EDA: variants seen among roughly 807,000 people sequenced by gnomAD.
EDA encodes the protein ectodysplasin-A.
EDA carries 2 observed loss-of-function variants against 23.6 expected under a neutral mutation model. That is an observed-to-expected ratio of 0.08 (90% confidence interval 0.03 to 0.27). The LOEUF (loss-of-function observed/expected upper bound fraction) is 0.27. Ranked by LOEUF, EDA falls within the 10% of genes least tolerant of loss-of-function variation. The probability of loss-of-function intolerance (pLI) is 1.00; values close to 1 mark genes in which losing one functional copy is unlikely to be tolerated. For missense variants in EDA, 229 were observed against 324.2 expected, an observed-to-expected ratio of 0.71 and a Z score of 2.26; for synonymous variants, 131 against 132.0, an observed-to-expected ratio of 0.99 and a Z score of 0.05.
At chrX:70,023,391 T>C in intron 3 of EDA, 150 bp downstream of exon 3, 3 of 362,837 alleles carry the variant, frequency 8.3e-6, no homozygotes, top group Non-Finnish European at 9.7e-6. Context: ...TTGAGTATTG[T>C]AGTTTCTGAA....
At chrX:69,716,110 G>A (rs1002384702) in intron 1 of EDA, among the ~76,000 whole-genome samples, 8 of 111,681 alleles carry the variant, frequency 7.2e-5, no homozygotes, top group African/African-American at 2.6e-4. Context: ...TGTTGCAATC[G>A]CTTTTGGCAT....
At chrX:69,834,407 A>G (rs1045421651) in intron 1 of EDA, among the ~76,000 whole-genome samples, 2 of 111,152 alleles carry the variant, frequency 1.8e-5, no homozygotes, top group South Asian at 3.8e-4. Flanking sequence ...GTGCATATAT[A>G]TTTAGGATAG....
rs146090986 is a variant in EDA, at chrX:70,025,076, A to G, written c.526+1835A>G. On this transcript the variant is annotated intron_variant, in intron 3 of 7. Coordinates refer to ENST00000374552, the MANE Select transcript of EDA (RefSeq NM_001399.5). The stretch of plus-strand genomic sequence containing the variant: ...GCAAGTGTGAGAAGCTCACTTGCCT[A>G]ACCCTTGTTGCAGAGAAGCAGAGGA... 4.8e-3 allele frequency among the ~76,000 whole-genome samples: 532 copies of G among 111,662 alleles called. 3 individuals are homozygous for G. Among genetic ancestry groups the G allele is most frequent in the Non-Finnish European group, 7.2e-3 (383 of 53,129 alleles).
intron 2 of EDA, among the ~76,000 whole-genome samples, chrX:70,010,875 G>A (rs998936579): frequency 9.0e-6 from 1 of 111,167 alleles, no homozygotes; most frequent in African/African-American, 3.3e-5. Flanking sequence ...TCACTACCAC[G>A]AGAACAGTGT....
Position 70,004,366 on chromosome X carries a change from G to A in EDA, c.503-18852G>A, listed in dbSNP as rs886639432. On this transcript the variant is annotated intron_variant, in intron 2 of 7. Coordinates refer to ENST00000374552, the MANE Select transcript of EDA (RefSeq NM_001399.5). ...ACTTGAGATTGGGATGGGATGGGGC[G>A]GGATGAAAATCAACTTGCAAACCCC... Among the ~76,000 whole-genome samples, 9 of 111,576 alleles carry A rather than the reference G, an allele frequency of 8.1e-5. No homozygotes were observed. The East Asian group carries it at 2.0e-3, about 25-fold the overall frequency.
chrX:70,002,303 T>C lies in EDA; in HGVS notation c.503-20915T>C, dbSNP rs761828779. ...TATCTGTGTTAACCTAGTTTTTTTT[T>C]CAAAGGCAACATGATTTCATAATGA... is the stretch of plus-strand genomic sequence containing the variant. On this transcript the variant is annotated intron_variant, in intron 2 of 7. Transcript: ENST00000374552. Among the ~76,000 whole-genome samples the C allele has an allele frequency of 4.7e-4, 52 of 110,155 alleles. No homozygotes were observed. In the Admixed American group the frequency reaches 4.9e-3, roughly 10 times the overall value.
At chrX:69,940,546 T>C (rs907909643) in intron 1 of EDA, among the ~76,000 whole-genome samples, 6 of 111,272 alleles carry the variant, frequency 5.4e-5, no homozygotes, top group African/African-American at 2.0e-4. Context: ...TTTCATTTTA[T>C]TGATCTTTTG....
chrX:69,833,810 T>TAC (rs1269379227), intron 1 of EDA, among the ~76,000 whole-genome samples: 1 of 110,791 alleles, frequency 9.0e-6, no homozygotes, highest in Non-Finnish European at 1.9e-5. Flanking sequence ...TTTCTTTCTT[T>TAC]ATATATATAT....
At chrX:69,654,062 G>C (rs1276496980) in intron 1 of EDA, among the ~76,000 whole-genome samples, 1 of 111,440 alleles carries the variant, frequency 9.0e-6, no homozygotes, top group Non-Finnish European at 1.9e-5. Flanking sequence ...CTGACAAAGG[G>C]CTAATATCCA....
intron 1 of EDA, among the ~76,000 whole-genome samples, chrX:69,863,567 G>A (rs868265094): frequency 1.6e-5 from 1 of 61,847 alleles, no homozygotes; most frequent in African/African-American, 6.9e-5. Flanking sequence ...ATATATGTGT[G>A]TATATATGTG....
chrX:69,755,493 T>G (rs1201896780), intron 1 of EDA, among the ~76,000 whole-genome samples: 2 of 112,069 alleles, frequency 1.8e-5, no homozygotes, highest in African/African-American at 6.5e-5. Flanking sequence ...TGTCTCCCAG[T>G]TAGGCTACCC....
intron 1 of EDA, among the ~76,000 whole-genome samples, chrX:69,915,331 C>A (rs942495810): frequency 1.3e-4 from 15 of 111,488 alleles, no homozygotes; most frequent in Admixed American, 5.7e-4. Context: ...GGACCAGGCG[C>A]GGTGGCTCAT....
chrX:69,783,409 G>A (rs1022115452), intron 1 of EDA, among the ~76,000 whole-genome samples: 36 of 109,075 alleles, frequency 3.3e-4, no homozygotes, highest in Non-Finnish European at 4.6e-4. Context: ...CCAGCATTAG[G>A]TGTATCTCCT....
chrX:69,741,442 T>C (rs1261873008), intron 1 of EDA, among the ~76,000 whole-genome samples: 1 of 112,124 alleles, frequency 8.9e-6, no homozygotes. Flanking sequence ...AAGTCTCTGA[T>C]GTCACCTCAG....
intron 1 of EDA, chrX:69,937,687 T>G (rs879007418): frequency 1.2e-5 from 14 of 1,127,975 alleles, no homozygotes; most frequent in Non-Finnish European, 1.7e-5. Context: ...TCTATAGAGT[T>G]CTGGGCATAC....
chrX:69,834,082 T>A (rs995459506), intron 1 of EDA, among the ~76,000 whole-genome samples: 5 of 109,388 alleles, frequency 4.6e-5, no homozygotes, highest in Admixed American at 3.9e-4. Flanking sequence ...GATAGTTTGC[T>A]GAGAATGATG....
chrX:69,726,029 G>T (rs751637463), intron 1 of EDA, among the ~76,000 whole-genome samples: 5 of 111,863 alleles, frequency 4.5e-5, no homozygotes, highest in Non-Finnish European at 9.4e-5. Context: ...GGTTTCAGCG[G>T]TCTCACAGGG....
At chrX:69,668,637 C>T (rs1339942259) in intron 1 of EDA, among the ~76,000 whole-genome samples, 2 of 111,056 alleles carry the variant, frequency 1.8e-5, no homozygotes, top group African/African-American at 3.3e-5. Flanking sequence ...AGTGCAATGG[C>T]GTGATCTTGG....
At chrX:69,656,047 C>T (rs774043420) in intron 1 of EDA, among the ~76,000 whole-genome samples, 8 of 108,686 alleles carry the variant, frequency 7.4e-5, no homozygotes, top group Non-Finnish European at 1.5e-4. Flanking sequence ...ATTTCTCAAG[C>T]TCACCATTTG....
Sources: allele counts gnomAD v4.1 joint callset (sites outside exome capture counted in the v4.1 genomes callset), GRCh38; gene constraint gnomAD v4.1.1; transcripts MANE v1.5; gene names NCBI Gene and HGNC (gene_info 2026-07-23, HGNC 2026-07-21).